The following CUX2 variants were observed in gnomAD, a reference collection of about 807,000 sequenced individuals.
The protein encoded by CUX2 is cut like homeobox 2.
Under a neutral mutation model 144.8 loss-of-function variants are expected in CUX2, and 40 were observed. That is an observed-to-expected ratio of 0.28 (90% CI 0.21 to 0.36). The LOEUF is 0.36. CUX2 is among the 10% of genes least tolerant of loss of function. CUX2 has a pLI of 1.00. For missense variants in CUX2, 1,615 were observed against 1,994.0 expected, an observed-to-expected ratio of 0.81 and a Z score of 3.62; for synonymous variants, 827 against 875.6, an observed-to-expected ratio of 0.94 and a Z score of 0.98.
chr12:111,136,646 A>G (rs11065814), intron 1 of CUX2, among the ~76,000 whole-genome samples: 5,295 of 152,258 alleles, frequency 0.035, 311 homozygotes, highest in African/African-American at 0.12. Flanking sequence ...GTAGCGTCCC[A>G]TGGTTGCTAC....
intron 1 of CUX2, among the ~76,000 whole-genome samples, chr12:111,202,188 C>A (rs1474050665): frequency 1.3e-5 from 2 of 152,202 alleles, no homozygotes; most frequent in Non-Finnish European, 2.9e-5. Context: ...CCGGGGGAAG[C>A]ACTCTCTGGC....
rs1592855327 is a variant in CUX2 at position 111,059,356 on chromosome 12, A to G, written c.63+25116A>G. Among the ~76,000 whole-genome samples, 1 of 152,376 alleles carries G rather than the reference A, an allele frequency of 6.6e-6. No individual in the cohort carries two copies. The highest frequency in any genetic ancestry group is 1.9e-4 in the East Asian group (1 of 5,184). Reference sequence around the variant, plus strand: ...CGGAGCAAACTGGGTAGAAATAACCATATCGCCCAAATGTTCTTGATAAGG... The same window carrying G: ...CGGAGCAAACTGGGTAGAAATAACCGTATCGCCCAAATGTTCTTGATAAGG... On this transcript the variant is annotated intron_variant, in intron 1 of 21. Coordinates refer to ENST00000261726, the MANE Select transcript of CUX2 (RefSeq NM_015267.4). The surrounding 1 kb of genome is among the most constrained non-coding windows in gnomAD (Gnocchi z 5.3).
chr12:111,216,812 G>T (rs1297789498), intron 2 of CUX2, among the ~76,000 whole-genome samples: 1 of 152,190 alleles, frequency 6.6e-6, no homozygotes, highest in African/African-American at 2.4e-5. Context: ...GGAAAGCCCT[G>T]GGGACCTAGA....
intron 1 of CUX2, among the ~76,000 whole-genome samples, chr12:111,194,176 C>T (rs1455992470): frequency 1.3e-5 from 2 of 152,138 alleles, no homozygotes; most frequent in African/African-American, 2.4e-5. Context: ...AGCTGTGTGA[C>T]CTTAGGCAAG....
intron 20 of CUX2, among the ~76,000 whole-genome samples, chr12:111,339,773 G>C (rs1023903870): frequency 6.6e-5 from 10 of 152,214 alleles, no homozygotes; most frequent in African/African-American, 2.4e-4. Context: ...ACTGTGGAGA[G>C]CACCTAGGGC....
chr12:111,211,248 C>T (rs1002272897), intron 1 of CUX2, among the ~76,000 whole-genome samples: 14 of 152,294 alleles, frequency 9.2e-5, no homozygotes, highest in Admixed American at 4.6e-4. Context: ...TCAGTGACTT[C>T]GTCTGCTCGA....
At chr12:111,226,188 C>T (rs1882133279) in intron 3 of CUX2, among the ~76,000 whole-genome samples, 1 of 152,230 alleles carries the variant, frequency 6.6e-6, no homozygotes, top group Admixed American at 6.5e-5. Context: ...AAGTGATCCT[C>T]CTGCCTCGGC....
chr12:111,307,905 C>A lies in CUX2; in HGVS notation c.1110-380C>A, dbSNP rs1886678031. Among the ~76,000 whole-genome samples the A allele has an allele frequency of 6.6e-6, 1 of 151,792 alleles. No individual in the cohort carries two copies. Among genetic ancestry groups the A allele is most frequent in the Admixed American group, 6.6e-5 (1 of 15,248 alleles). On this transcript the variant is annotated intron_variant, in intron 12 of 21. Transcript: ENST00000261726. The surrounding 1 kb of genome is among the most constrained non-coding windows in gnomAD (Gnocchi z 4.1). ...GGCTGAGGCAGGAGAATCGCTTGAACCTGGGAGGCAGAGATCGTGCCACTG... is the reference window on the plus strand; with the variant it reads ...GGCTGAGGCAGGAGAATCGCTTGAAACTGGGAGGCAGAGATCGTGCCACTG...
At chr12:111,328,513 C>G (rs1369218609) in intron 18 of CUX2, among the ~76,000 whole-genome samples, 1 of 152,068 alleles carries the variant, frequency 6.6e-6, no homozygotes, top group Non-Finnish European at 1.5e-5. Flanking sequence ...CCTGTCCTGT[C>G]CCCATACACA....
intron 1 of CUX2, among the ~76,000 whole-genome samples, chr12:111,202,036 G>A (rs547153075): frequency 1.3e-5 from 2 of 152,230 alleles, no homozygotes; most frequent in Non-Finnish European, 2.9e-5. Context: ...TGCAGTAGGC[G>A]TTCAGCTTCT....
At chr12:111,209,701 C>T (rs1881103615) in intron 1 of CUX2, among the ~76,000 whole-genome samples, 1 of 152,070 alleles carries the variant, frequency 6.6e-6, no homozygotes, top group Admixed American at 6.5e-5. Context: ...TCTCACTAGG[C>T]AGTGGGCACT....
intron 1 of CUX2, among the ~76,000 whole-genome samples, chr12:111,088,549 A>T: frequency 6.6e-6 from 1 of 152,254 alleles, no homozygotes; most frequent in African/African-American, 2.4e-5. Flanking sequence ...TCTTCATAGC[A>T]GCGGACTGAA....
intron 1 of CUX2, among the ~76,000 whole-genome samples, chr12:111,102,706 T>C (rs1302094122): frequency 6.6e-6 from 1 of 152,200 alleles, no homozygotes; most frequent in Non-Finnish European, 1.5e-5. Context: ...GTCTTCCAAA[T>C]CTGTGTAGAA....
In CUX2 at chr12:111,263,855, G is replaced by A. The variant is rs376360353; in HGVS notation, c.301+16G>A. 6 of 1,606,984 alleles carry A rather than the reference G, an allele frequency of 3.7e-6. No homozygotes were observed. The highest frequency in any genetic ancestry group is 1.7e-4 in the Middle Eastern group (1 of 6,048). On this transcript the variant is annotated intron_variant, in intron 4 of 21. Transcript: ENST00000261726. This position sits in a 1 kb window ranked among gnomAD's most constrained non-coding sequence, Gnocchi z 4.0. ...GAAGCACCAGGTAAGAAATGCTTGG[G>A]CTCCGTAATTGAATAGTTAACGACA... is the stretch of plus-strand genomic sequence containing the variant.
At chr12:111,127,345 G>C (rs1412506189) in intron 1 of CUX2, among the ~76,000 whole-genome samples, 1 of 152,200 alleles carries the variant, frequency 6.6e-6, no homozygotes, top group Non-Finnish European at 1.5e-5. Flanking sequence ...CCTGGACTGG[G>C]TTGTAGTTTT....
intron 18 of CUX2, among the ~76,000 whole-genome samples, chr12:111,332,322 C>T (rs953482475): frequency 6.3e-5 from 9 of 142,182 alleles, no homozygotes; most frequent in South Asian, 2.4e-4. Context: ...TTAGTAGAGA[C>T]GGGGTTTCAC....
chr12:111,233,360 G>A (rs1479839388), intron 3 of CUX2, among the ~76,000 whole-genome samples: 1 of 152,132 alleles, frequency 6.6e-6, no homozygotes, highest in Non-Finnish European at 1.5e-5. Flanking sequence ...CACTGCAACA[G>A]ACAAAGGTTC....
At chr12:111,291,378 A>C in intron 4 of CUX2, 40 bp from the exon 5 acceptor site, 1 of 1,562,928 alleles carries the variant, frequency 6.4e-7, no homozygotes, top group South Asian at 1.2e-5. Flanking sequence ...GTCCCTATCC[A>C]TCAGGCCCTC....
At chr12:111,208,749 C>A (rs1158260230) in intron 1 of CUX2, among the ~76,000 whole-genome samples, 2 of 152,214 alleles carry the variant, frequency 1.3e-5, no homozygotes, top group African/African-American at 4.8e-5. Context: ...TTCTGAGGAA[C>A]AGTTCTGCCT....
Sources: gnomAD v4.1 joint callset for allele counts (sites outside exome capture counted in the v4.1 genomes callset) on GRCh38, gnomAD v4.1.1 for gene constraint, Gnocchi (gnomAD v3.1) non-coding constraint, MANE v1.5 for transcripts, NCBI Gene and HGNC (gene_info 2026-07-23, HGNC 2026-07-21) for gene names.